Variants in CSMD2 observed in about 807,000 individuals in gnomAD.
CSMD2 encodes the protein CUB and sushi domain-containing protein 2.
Under a neutral mutation model 398.5 loss-of-function variants are expected in CSMD2, and 130 were observed. The observed-to-expected ratio is 0.33, with a 90% CI of 0.28 to 0.38. The LOEUF is 0.38. Among genes scored for constraint, CSMD2 ranks in the 10% least tolerant of loss-of-function variants. The pLI, the probability that CSMD2 is intolerant of heterozygous loss-of-function variation, is 1.00. For synonymous variants in CSMD2, 1,828 were observed against 1,908.5 expected, an observed-to-expected ratio of 0.96 and a Z score of 1.10; for missense variants, 3,829 against 4,764.9, an observed-to-expected ratio of 0.80 and a Z score of 5.78.
chr1:33,643,003 T>G (rs1643200442), intron 29 of CSMD2, among the ~76,000 whole-genome samples: 1 of 152,146 alleles, frequency 6.6e-6, no homozygotes, highest in Non-Finnish European at 1.5e-5. Context: ...TGTGGGGCGC[T>G]CGTAGGCCCC....
intron 14 of CSMD2, among the ~76,000 whole-genome samples, chr1:33,742,517 G>A (rs936286917): frequency 1.3e-4 from 19 of 151,194 alleles, no homozygotes; most frequent in African/African-American, 3.6e-4. Flanking sequence ...AGCTTCTTAC[G>A]ACCTGATAAC....
chr1:33,681,345 T>C (rs1644903663), intron 25 of CSMD2, among the ~76,000 whole-genome samples: 1 of 152,226 alleles, frequency 6.6e-6, no homozygotes, highest in African/African-American at 2.4e-5. Flanking sequence ...GGTGGTTTTC[T>C]TTAAGCATTT....
chr1:33,880,047 G>A (rs1208303210), intron 5 of CSMD2, among the ~76,000 whole-genome samples: 1 of 152,122 alleles, frequency 6.6e-6, no homozygotes, highest in African/African-American at 2.4e-5. Context: ...AAGCTTGAAA[G>A]GTTAAGTAAA....
chr1:34,041,862 A>T (rs557419047), intron 2 of CSMD2, among the ~76,000 whole-genome samples: 1 of 152,336 alleles, frequency 6.6e-6, no homozygotes, highest in African/African-American at 2.4e-5. Flanking sequence ...CGCAGAGAAG[A>T]ACACTGGCAT....
intron 1 of CSMD2, among the ~76,000 whole-genome samples, chr1:34,146,209 T>G (rs1451378965): frequency 6.6e-6 from 1 of 152,174 alleles, no homozygotes; most frequent in East Asian, 1.9e-4. Flanking sequence ...TCAGGACCTG[T>G]GCCCTGAGGG....
At chr1:33,805,065 C>T (rs963943802) in intron 10 of CSMD2, among the ~76,000 whole-genome samples, 1 of 152,208 alleles carries the variant, frequency 6.6e-6, no homozygotes, top group African/African-American at 2.4e-5. Flanking sequence ...TCTTGCAAGG[C>T]ATGTAGGGGA....
At chr1:33,798,115 G>A (rs1472624730) in intron 10 of CSMD2, among the ~76,000 whole-genome samples, 1 of 152,032 alleles carries the variant, frequency 6.6e-6, no homozygotes, top group Non-Finnish European at 1.5e-5. Flanking sequence ...CTCTGCTTTG[G>A]CCTTTGTTTA....
chr1:33,619,020 A>T (rs1641581315), intron 37 of CSMD2, among the ~76,000 whole-genome samples: 1 of 152,118 alleles, frequency 6.6e-6, no homozygotes, highest in African/African-American at 2.4e-5. Context: ...ATTTCCAGAC[A>T]GGGGGCTTCC....
intron 2 of CSMD2, among the ~76,000 whole-genome samples, chr1:34,066,366 C>T (rs867798615): frequency 6.6e-6 from 1 of 152,198 alleles, no homozygotes; most frequent in African/African-American, 2.4e-5. Context: ...CCCCTCTCTG[C>T]CTTGGAATTT....
chr1:33,962,259 G>A (rs1303288117), intron 3 of CSMD2, among the ~76,000 whole-genome samples: 4 of 152,110 alleles, frequency 2.6e-5, no homozygotes, highest in Admixed American at 2.0e-4. Context: ...GAGCATGTCT[G>A]CCTGAAAGCG....
At chr1:33,933,610 C>A (rs1250773531) in intron 4 of CSMD2, among the ~76,000 whole-genome samples, 1 of 152,118 alleles carries the variant, frequency 6.6e-6, no homozygotes, top group Non-Finnish European at 1.5e-5. Context: ...TTAACGGTAA[C>A]ATCCTTAAGG....
chr1:33,896,158 G>A (rs1642372167), intron 5 of CSMD2, among the ~76,000 whole-genome samples: 1 of 152,134 alleles, frequency 6.6e-6, no homozygotes, highest in Non-Finnish European at 1.5e-5. Context: ...ATGAATTCAT[G>A]CTCATCAGAA....
chr1:33,528,680 A>G (rs1023108470), intron 64 of CSMD2, among the ~76,000 whole-genome samples: 1 of 152,228 alleles, frequency 6.6e-6, no homozygotes, highest in Non-Finnish European at 1.5e-5. Context: ...TATAGCACAG[A>G]AACTTTTTGA....
chr1:33,999,892 T>C (rs1646847480), intron 3 of CSMD2, among the ~76,000 whole-genome samples: 2 of 152,204 alleles, frequency 1.3e-5, no homozygotes, highest in African/African-American at 2.4e-5. Context: ...GTTACTATAT[T>C]TGCATAGTGG....
At chr1:33,859,497 C>T (rs1208825811) in intron 5 of CSMD2, among the ~76,000 whole-genome samples, 1 of 152,184 alleles carries the variant, frequency 6.6e-6, no homozygotes, top group Non-Finnish European at 1.5e-5. Context: ...GATCATCTCC[C>T]TAGCTCTAAA....
chr1:33,651,184 T>C (rs181034990), intron 28 of CSMD2, among the ~76,000 whole-genome samples: 6 of 151,898 alleles, frequency 4.0e-5, no homozygotes, highest in Admixed American at 3.3e-4. Context: ...AGGGCAGTAA[T>C]TTAGATGGGA....
intron 2 of CSMD2, among the ~76,000 whole-genome samples, chr1:34,041,060 G>A (rs891925582): frequency 1.3e-5 from 2 of 152,164 alleles, no homozygotes; most frequent in African/African-American, 4.8e-5. Flanking sequence ...AGGAGTTTGA[G>A]GCTGCAGTGA....
intron 10 of CSMD2, among the ~76,000 whole-genome samples, chr1:33,799,960 C>T (rs781718372): frequency 6.6e-6 from 1 of 152,172 alleles, no homozygotes; most frequent in Non-Finnish European, 1.5e-5. Context: ...AAGAGTTTGC[C>T]AACTCTTGAA....
chr1:34,148,882 T>C (rs1248863443), intron 1 of CSMD2, among the ~76,000 whole-genome samples: 1 of 152,158 alleles, frequency 6.6e-6, no homozygotes, highest in Non-Finnish European at 1.5e-5. Context: ...TTAGGTGCAG[T>C]AGGTGGCGGA....
Sources: gnomAD v4.1 joint callset for allele counts (sites outside exome capture counted in the v4.1 genomes callset) on GRCh38, gnomAD v4.1.1 for gene constraint, MANE v1.5 for transcripts, NCBI Gene and HGNC (gene_info 2026-07-23, HGNC 2026-07-21) for gene names.